Variants in AAK1 observed in about 807,000 individuals in gnomAD.
AAK1 encodes AP2 associated kinase 1, also known as AP2-associated protein kinase 1.
In AAK1, 37 loss-of-function variants were observed where a neutral mutation model predicts 116.0. The ratio of observed to expected loss-of-function variants is 0.32; its 90% CI spans 0.25 to 0.42. The LOEUF is 0.42. AAK1 is among the 10% of genes least tolerant of loss of function. The pLI, the probability that AAK1 is intolerant of heterozygous loss-of-function variation, is 1.00. For synonymous variants in AAK1, 458 were observed against 439.9 expected (o/e 1.04, Z -0.51); for missense variants, 919 against 1,170.6 (o/e 0.79, Z 3.14).
chr2:69,640,032 C>T (rs1675635542), intron 2 of AAK1, among the ~76,000 whole-genome samples: 3 of 141,862 alleles, frequency 2.1e-5, no homozygotes, highest in African/African-American at 8.2e-5. Flanking sequence ...CACACACACA[C>T]ACACACACAC....
intron 2 of AAK1, among the ~76,000 whole-genome samples, chr2:69,596,709 C>T (rs1673307254): frequency 6.6e-6 from 1 of 152,210 alleles, no homozygotes. Context: ...AGCCACCAAA[C>T]CTCAGGCAGT....
In AAK1 at chr2:69,470,445, TA is replaced by T; in HGVS notation, c.*5423del. On this transcript the variant is annotated 3_prime_UTR_variant, in exon 22 of 22. Coordinates refer to ENST00000409085, the MANE Select transcript of AAK1 (RefSeq NM_014911.5). Reference sequence around the variant, plus strand: ...AAATTAAGCATTTGGTTCCACCATATATTAGGTAGCTGCATTAAAACCCACG... The same window carrying T: ...AAATTAAGCATTTGGTTCCACCATATTTAGGTAGCTGCATTAAAACCCACG... 1 of 985,418 alleles carries T rather than the reference TA, an allele frequency of 1.0e-6. No individual in the cohort carries two copies. The highest frequency in any genetic ancestry group is 1.2e-6 in the Non-Finnish European group (1 of 829,938). 61.0% of individuals were successfully genotyped at this position (985,418 alleles called of 1,614,324 possible). A position where few individuals can be genotyped will look rare whatever the true frequency, so the allele number is the denominator to read the frequency against.
chr2:69,469,315 G>A lies in AAK1; in HGVS notation c.*6554C>T. ...CTGGTGGTGGCAGCACCAGAAACAA[G>A]GTAGTCGAGAGAAGGATAAATTCCA... On this transcript the variant is annotated 3_prime_UTR_variant, in exon 22 of 22. Coordinates refer to ENST00000409085, the MANE Select transcript of AAK1 (RefSeq NM_014911.5). 1.0e-6 allele frequency: 1 copy of A among 985,438 alleles called. No homozygotes were observed. Among genetic ancestry groups the A allele is most frequent in the Non-Finnish European group, 1.2e-6 (1 of 829,952 alleles). The allele number at this position is 985,438 out of a possible 1,614,324, so 61.0% of individuals were successfully genotyped here.
intron 2 of AAK1, among the ~76,000 whole-genome samples, chr2:69,630,737 T>C (rs2105257648): frequency 6.6e-6 from 1 of 152,272 alleles, no homozygotes; most frequent in Non-Finnish European, 1.5e-5. Context: ...TTGAAAGTCT[T>C]CTCCTAAGGA....
At position 69,465,543 on chromosome 2, in the gene AAK1, T is replaced by C; in HGVS notation, c.*10326A>G. The C allele has an allele frequency of 7.7e-7, 1 of 1,290,996 alleles. No homozygotes were observed. The highest frequency in any genetic ancestry group is 1.0e-6 in the Non-Finnish European group (1 of 988,888). 80.0% of individuals were successfully genotyped at this position (1,290,996 alleles called of 1,614,324 possible). A position where few individuals can be genotyped will look rare whatever the true frequency, so the allele number is the denominator to read the frequency against. ...AGAAACAGACCCAGCTATCGACTGCTTGTTGGTTTGTGAAACAATTTTGTA... is the reference window on the plus strand; with the variant it reads ...AGAAACAGACCCAGCTATCGACTGCCTGTTGGTTTGTGAAACAATTTTGTA... On this transcript the variant is annotated 3_prime_UTR_variant, in exon 22 of 22. Coordinates refer to ENST00000409085, the MANE Select transcript of AAK1 (RefSeq NM_014911.5).
At chr2:69,580,533 A>G (rs1041476357) in intron 2 of AAK1, among the ~76,000 whole-genome samples, 1 of 152,238 alleles carries the variant, frequency 6.6e-6, no homozygotes, top group Admixed American at 6.5e-5. Context: ...GCAGAAGCAG[A>G]AAAAAAGCAG....
chr2:69,596,083 G>A (rs183569855), intron 2 of AAK1, among the ~76,000 whole-genome samples: 21 of 152,270 alleles, frequency 1.4e-4, no homozygotes, highest in Non-Finnish European at 2.2e-4. Flanking sequence ...AACAAAATTC[G>A]TTGCAAAATA....
intron 2 of AAK1, among the ~76,000 whole-genome samples, chr2:69,572,416 G>C (rs1364868583): frequency 6.6e-6 from 1 of 151,850 alleles, no homozygotes; most frequent in Admixed American, 6.6e-5. Flanking sequence ...TGAGGAATTC[G>C]AGACCAGCCT....
At chr2:69,634,679 AAGG>A (rs1231211159) in intron 2 of AAK1, among the ~76,000 whole-genome samples, 33 of 151,806 alleles carry the variant, frequency 2.2e-4, no homozygotes, top group African/African-American at 7.7e-4. Flanking sequence ...GGTTTGAAGG[AAGG>A]AGATCAGAGA....
chr2:69,535,366 T>C (rs1310717905), intron 5 of AAK1, among the ~76,000 whole-genome samples: 1 of 151,672 alleles, frequency 6.6e-6, no homozygotes, highest in Non-Finnish European at 1.5e-5. Context: ...AATTAAAAAC[T>C]AAAAAACAAA....
At chr2:69,565,013 C>A (rs983352807) in intron 2 of AAK1, among the ~76,000 whole-genome samples, 1 of 152,194 alleles carries the variant, frequency 6.6e-6, no homozygotes, top group Admixed American at 6.5e-5. Flanking sequence ...AATATCTTCT[C>A]GAGATCAAGA....
At chr2:69,530,212 C>A in intron 7 of AAK1, 72 bp from the exon 8 acceptor site, 1 of 1,449,874 alleles carries the variant, frequency 6.9e-7, no homozygotes, top group Non-Finnish European at 9.2e-7. Flanking sequence ...TAATGAGAAA[C>A]TGGCACCATC....
chr2:69,560,367 C>T (rs1411410227), intron 2 of AAK1, among the ~76,000 whole-genome samples: 1 of 152,218 alleles, frequency 6.6e-6, no homozygotes, highest in African/African-American at 2.4e-5. Flanking sequence ...ACAGAGAAGA[C>T]TGTCAATAGA....
At chr2:69,595,106 TTTTTG>T (rs1006899181) in intron 2 of AAK1, 28 of 624,030 alleles carry the variant, frequency 4.5e-5, no homozygotes, top group African/African-American at 9.1e-5. Context: ...TTTTGTTTCT[TTTTTG>T]TTTTGTTTTG....
chr2:69,593,528 C>G (rs1017950298), intron 2 of AAK1, among the ~76,000 whole-genome samples: 1 of 151,314 alleles, frequency 6.6e-6, no homozygotes, highest in South Asian at 2.1e-4. Context: ...GCAAATATAT[C>G]TTATTATATA....
At chr2:69,530,552 T>A in intron 7 of AAK1, 73 bp downstream of exon 7, 7 of 1,261,888 alleles carry the variant, frequency 5.5e-6, no homozygotes, top group Non-Finnish European at 8.1e-6. Flanking sequence ...TATAGCGCTG[T>A]GTGCATTAAC....
At chr2:69,535,838 G>T (rs892661441) in intron 5 of AAK1, among the ~76,000 whole-genome samples, 1 of 152,182 alleles carries the variant, frequency 6.6e-6, no homozygotes, top group African/African-American at 2.4e-5. Flanking sequence ...CTGCTGTCAG[G>T]AAAGGGGAGA....
Position 69,475,414 on chromosome 2 carries a change from AG to A in AAK1, c.*454del. 3 of 996,886 alleles carry A rather than the reference AG, an allele frequency of 3.0e-6. No individual in the cohort carries two copies. The highest frequency in any genetic ancestry group is 3.6e-6 in the Non-Finnish European group (3 of 836,376). The allele number at this position is 996,886 out of a possible 1,614,324, so 61.8% of individuals were successfully genotyped here. ...AGCCATGTCCTCATGATAATGCATCAGGATAAAAAGCAAAAACAGGGAAATA... is the reference window on the plus strand; with the variant it reads ...AGCCATGTCCTCATGATAATGCATCAGATAAAAAGCAAAAACAGGGAAATA... On this transcript the variant is annotated 3_prime_UTR_variant, in exon 22 of 22. Transcript: ENST00000409085.
rs868397762 is a variant in AAK1, at chr2:69,482,930, A to G, written c.2366-118T>C. The G allele has an allele frequency of 1.6e-5, 10 of 640,788 alleles. No individual in the cohort carries two copies. The Middle Eastern group carries it at 1.5e-3, about 93-fold the overall frequency. 39.7% of individuals were successfully genotyped at this position (640,788 alleles called of 1,614,324 possible). On this transcript the variant is annotated intron_variant, in intron 17 of 21. Coordinates refer to ENST00000409085, the MANE Select transcript of AAK1 (RefSeq NM_014911.5). ...AGGGGTCAATATTTGGTACAGGTTC[A>G]CCATAAAAATGAATGCTATTAATAT... is the stretch of plus-strand genomic sequence containing the variant.
Sources: allele counts gnomAD v4.1 joint callset (sites outside exome capture counted in the v4.1 genomes callset), GRCh38; gene constraint gnomAD v4.1.1; transcripts MANE v1.5; gene names NCBI Gene and HGNC (gene_info 2026-07-23, HGNC 2026-07-21).